The following PTPN13 variants were observed in gnomAD, a reference collection of about 807,000 sequenced individuals.
The protein encoded by PTPN13 is protein tyrosine phosphatase non-receptor type 13, also known as tyrosine-protein phosphatase non-receptor type 13.
In PTPN13, 191 loss-of-function variants were observed where a neutral mutation model predicts 284.0. The ratio of observed to expected loss-of-function variants is 0.67; its 90% CI spans 0.60 to 0.76. The LOEUF is 0.76. PTPN13 is among the 30% of genes least tolerant of loss of function. The pLI is 0.00. For synonymous variants in PTPN13, 986 were observed against 1,022.3 expected (o/e 0.96, Z 0.68); for missense variants, 2,797 against 2,939.9 (o/e 0.95, Z 1.12).
intron 27 of PTPN13, chr4:86,766,743 A>T (rs1280340163): frequency 2.7e-6 from 1 of 364,992 alleles, no homozygotes; most frequent in Non-Finnish European, 4.9e-6. Context: ...TTTAACGCTT[A>T]CATTACCAAA....
At chr4:86,685,264 A>G (rs1049974969) in intron 3 of PTPN13, among the ~76,000 whole-genome samples, 2 of 152,148 alleles carry the variant, frequency 1.3e-5, no homozygotes, top group Non-Finnish European at 2.9e-5. Flanking sequence ...CTACCCATTC[A>G]TTGTGAGAAA....
intron 1 of PTPN13, among the ~76,000 whole-genome samples, chr4:86,598,645 T>C (rs1260492453): frequency 1.3e-5 from 2 of 152,254 alleles, no homozygotes; most frequent in African/African-American, 4.8e-5. Context: ...TACTAGCCAA[T>C]AAATGTCTTT....
At chr4:86,798,406 T>C (rs1743604654) in intron 41 of PTPN13, among the ~76,000 whole-genome samples, 1 of 152,228 alleles carries the variant, frequency 6.6e-6, no homozygotes, top group Non-Finnish European at 1.5e-5. Context: ...CATTAGTCCA[T>C]GTCCTGGTGT....
intron 3 of PTPN13, among the ~76,000 whole-genome samples, chr4:86,675,925 T>A (rs1409490557): frequency 6.6e-6 from 1 of 152,182 alleles, no homozygotes; most frequent in Non-Finnish European, 1.5e-5. Flanking sequence ...GTACTATGTC[T>A]CTGATAAATT....
chr4:86,765,597 CAT>C (rs1341028519), intron 26 of PTPN13, 109 bp downstream of exon 26: 1 of 715,892 alleles, frequency 1.4e-6, no homozygotes, highest in Non-Finnish European at 2.2e-6. Context: ...GAAATAAGAA[CAT>C]ACTCAATTAT....
chr4:86,648,418 TC>T (rs1724687747), intron 2 of PTPN13, among the ~76,000 whole-genome samples: 1 of 152,136 alleles, frequency 6.6e-6, no homozygotes, highest in Non-Finnish European at 1.5e-5. Context: ...CATTCTACTC[TC>T]TATTTCCATG....
intron 7 of PTPN13, among the ~76,000 whole-genome samples, chr4:86,702,294 A>G (rs993179186): frequency 1.3e-5 from 2 of 152,182 alleles, no homozygotes; most frequent in African/African-American, 4.8e-5. Flanking sequence ...TGGGGGCACA[A>G]CTGTAGAAGA....
At chr4:86,635,666 A>G (rs767455316) in intron 2 of PTPN13, among the ~76,000 whole-genome samples, 11 of 152,282 alleles carry the variant, frequency 7.2e-5, no homozygotes, top group East Asian at 1.9e-4. Flanking sequence ...GAAAATAGCT[A>G]TTAACAAAAT....
chr4:86,672,651 A>G, intron 3 of PTPN13, 108 bp downstream of exon 3: 2 of 819,906 alleles, frequency 2.4e-6, no homozygotes, highest in Non-Finnish European at 3.6e-6. Context: ...TGAGTTTTAA[A>G]TGACCGTGTA....
At chr4:86,726,598 C>A (rs1734280728) in intron 10 of PTPN13, among the ~76,000 whole-genome samples, 2 of 149,094 alleles carry the variant, frequency 1.3e-5, no homozygotes, top group South Asian at 2.1e-4. Flanking sequence ...GGAATTCACT[C>A]ATGATTTGGC....
chr4:86,651,418 C>T (rs886473826), intron 2 of PTPN13, among the ~76,000 whole-genome samples: 5 of 152,054 alleles, frequency 3.3e-5, no homozygotes, highest in East Asian at 3.9e-4. Context: ...TCCCTCCCTC[C>T]GTCCTTCCCT....
At chr4:86,728,522 G>A (rs2149112689) in intron 10 of PTPN13, among the ~76,000 whole-genome samples, 1 of 148,066 alleles carries the variant, frequency 6.8e-6, no homozygotes, top group Admixed American at 6.8e-5. Flanking sequence ...TATATATTTA[G>A]GATAGTTAGC....
At chr4:86,661,181 A>T (rs879578624) in intron 2 of PTPN13, 2 of 415,834 alleles carry the variant, frequency 4.8e-6, no homozygotes, top group African/African-American at 4.2e-5. Context: ...CACTGCTATG[A>T]CATATCACAC....
At chr4:86,744,922 T>A (rs1736559569) in intron 16 of PTPN13, 44 bp from the exon 17 acceptor site, 1 of 1,384,776 alleles carries the variant, frequency 7.2e-7, no homozygotes, top group African/African-American at 1.5e-5. Context: ...ATAAATAATA[T>A]CTCTACTTAC....
chr4:86,697,111 C>T (rs936410839), intron 6 of PTPN13, among the ~76,000 whole-genome samples: 4 of 152,058 alleles, frequency 2.6e-5, no homozygotes, highest in African/African-American at 7.2e-5. Flanking sequence ...AAAATTATCT[C>T]TTGAAGAAGT....
intron 46 of PTPN13, among the ~76,000 whole-genome samples, chr4:86,810,323 G>C (rs1745088569): frequency 6.6e-6 from 1 of 150,550 alleles, no homozygotes; most frequent in South Asian, 2.1e-4. Context: ...TTTAAAGATA[G>C]AAATAATTGA....
chr4:86,624,930 C>A (rs780582607), intron 1 of PTPN13, among the ~76,000 whole-genome samples: 1 of 152,064 alleles, frequency 6.6e-6, no homozygotes. Context: ...CAGTGAAAGC[C>A]ATTCTTTGAG....
intron 40 of PTPN13, among the ~76,000 whole-genome samples, chr4:86,795,631 A>C (rs1455062479): frequency 6.6e-6 from 1 of 152,208 alleles, no homozygotes; most frequent in African/African-American, 2.4e-5. Flanking sequence ...AAAGACATGA[A>C]ACCAACCCAA....
At chr4:86,722,497 G>C (rs1162346120) in intron 10 of PTPN13, 63 bp downstream of exon 10, 37 of 1,416,920 alleles carry the variant, frequency 2.6e-5, no homozygotes, top group Non-Finnish European at 3.6e-5. Flanking sequence ...CTTGGGCAAA[G>C]TACTTTTAAA....
Sources: allele counts gnomAD v4.1 joint callset (sites outside exome capture counted in the v4.1 genomes callset), GRCh38; gene constraint gnomAD v4.1.1; transcripts MANE v1.5; gene names NCBI Gene and HGNC (gene_info 2026-07-23, HGNC 2026-07-21).